Variants in TNRC6A observed in about 807,000 individuals in gnomAD.
TNRC6A encodes the protein trinucleotide repeat-containing gene 6A protein.
In TNRC6A, 44 loss-of-function variants were observed where a neutral mutation model predicts 221.2. That is an observed-to-expected ratio of 0.20 (90% CI 0.16 to 0.26). The LOEUF is 0.26. TNRC6A is among the 10% of genes least tolerant of loss of function. The pLI is 1.00. For missense variants in TNRC6A, 2,199 were observed against 2,404.4 expected, an observed-to-expected ratio of 0.91 and a Z score of 1.79; for synonymous variants, 847 against 838.5, an observed-to-expected ratio of 1.01 and a Z score of -0.18.
chr16:24,757,321 A>G (rs2057274107), intron 3 of TNRC6A, among the ~76,000 whole-genome samples: 1 of 152,218 alleles, frequency 6.6e-6, no homozygotes, highest in Admixed American at 6.5e-5. Flanking sequence ...TTACCCATAT[A>G]TCTATAATAG....
rs193033416 is a variant in TNRC6A at position 24,763,169 on chromosome 16, A to C, written c.163+4809A>C. ...AAATCTCCTGCATGCTTTGATCTCT[A>C]TGCAGTAAACACTGATCCTTCTGTG... is the stretch of plus-strand genomic sequence containing the variant. On this transcript the variant is annotated intron_variant, in intron 4 of 24. Coordinates refer to ENST00000395799, the MANE Select transcript of TNRC6A (RefSeq NM_014494.4). Among the ~76,000 whole-genome samples, 29 of 152,318 alleles carry C rather than the reference A, an allele frequency of 1.9e-4. No individual in the cohort carries two copies. In the East Asian group the frequency reaches 4.0e-3, roughly 21 times the overall value.
chr16:24,756,309 A>G (rs1274385346), intron 3 of TNRC6A, among the ~76,000 whole-genome samples: 2 of 152,226 alleles, frequency 1.3e-5, no homozygotes, highest in Non-Finnish European at 2.9e-5. Context: ...AATTACTCTT[A>G]AAATGACTGA....
At chr16:24,770,698 T>G (rs1567447715) in intron 4 of TNRC6A, among the ~76,000 whole-genome samples, 1 of 152,216 alleles carries the variant, frequency 6.6e-6, no homozygotes, top group Non-Finnish European at 1.5e-5. Context: ...AAACCCATTC[T>G]TAGGTTTTGT....
At chr16:24,630,276 T>C (rs1394864459) in intron 1 of TNRC6A, among the ~76,000 whole-genome samples, 1 of 152,160 alleles carries the variant, frequency 6.6e-6, no homozygotes, top group Non-Finnish European at 1.5e-5. Context: ...GCTCAGGGAC[T>C]CTGCTCCTAA....
Position 24,789,448 on chromosome 16 carries a change from C to A in TNRC6A, c.806C>A (p.Thr269Asn), listed in dbSNP as rs1212519825. 6.2e-7 allele frequency: 1 copy of A among 1,614,224 alleles called. No individual in the cohort carries two copies. Among genetic ancestry groups the A allele is most frequent in the Non-Finnish European group, 8.5e-7 (1 of 1,180,036 alleles). Residue 269 changes from threonine to asparagine, a missense_variant, in exon 6 of 25, where the codon ACT becomes AAT. Around this residue, in one of 8 missense-constraint regions of TNRC6A, gnomAD observed 1,405 missense variants for 1,400.2 expected, o/e 1.00. Transcript: ENST00000395799. The part of the protein sequence containing the change: ...ASSSESERNI[T>N]IMASGNTGGE... ...AGTTCTGAATCAGAGAGAAACATCA[C>A]TATCATGGCTTCAGGGAACACAGGT...
chr16:24,800,684 C>G (rs2058314191), intron 11 of TNRC6A, among the ~76,000 whole-genome samples: 1 of 152,192 alleles, frequency 6.6e-6, no homozygotes, highest in Non-Finnish European at 1.5e-5. Flanking sequence ...GAAATCTGCC[C>G]TCTAGAGTCC....
Position 24,823,724 on chromosome 16 carries a change from G to T in TNRC6A, c.5806G>T (p.Asp1936Tyr). The T allele has an allele frequency of 6.5e-7, 1 of 1,544,780 alleles. No homozygotes were observed. Among genetic ancestry groups the T allele is most frequent in the Non-Finnish European group, 8.7e-7 (1 of 1,147,404 alleles). Reference protein sequence around the residue: ...TSLWGPPSSSDPRGISSPSPI... With the variant: ...TSLWGPPSSSYPRGISSPSPI... The stretch of plus-strand genomic sequence containing the variant: ...CCTGTGGGGTCCCCCAAGCAGCAGC[G>T]ACCCCCGAGGAATTAGCAGCCCATC... Residue 1936 changes from aspartate to tyrosine, a missense_variant, in exon 25 of 25, where the codon GAC becomes TAC. Physicochemically the swap from Asp to Tyr is radical, Grantham distance 160 (BLOSUM62 -3). Transcript: ENST00000395799. This position sits in a 1 kb window ranked among gnomAD's most constrained non-coding sequence, Gnocchi z 4.3.
At chr16:24,651,742 A>G (rs1902678246) in intron 2 of TNRC6A, among the ~76,000 whole-genome samples, 1 of 151,048 alleles carries the variant, frequency 6.6e-6, no homozygotes, top group Non-Finnish European at 1.5e-5. Context: ...AAAAAATAAA[A>G]TAAAATAAAA....
chr16:24,747,860 T>C (rs919123442), intron 2 of TNRC6A, among the ~76,000 whole-genome samples: 64 of 152,124 alleles, frequency 4.2e-4, no homozygotes, highest in African/African-American at 1.5e-3. Context: ...CATCAGAAAG[T>C]CTTGAAAATG....
rs749539505 is a variant in TNRC6A, at chr16:24,791,737, G to T, written c.3095G>T (p.Arg1032Leu). The T allele has an allele frequency of 6.2e-7, 1 of 1,612,158 alleles. No individual in the cohort carries two copies. Among genetic ancestry groups the T allele is most frequent in the African/African-American group, 1.3e-5 (1 of 74,804 alleles). Residue 1032 changes from arginine (R) to leucine (L), a missense_variant, in exon 6 of 25, where the codon CGT (arginine) becomes CTT (leucine). Physicochemically the swap from Arg to Leu is moderately radical, Grantham distance 102 (BLOSUM62 -2). This residue lies in a region of TNRC6A where 1,405 missense variants were observed against 1,400.2 expected (regional missense o/e 1.00). Transcript: ENST00000395799. ...AAAAACGTCCCAAATGGCAACAGCC[G>T]TTCAGACCAGCAAGCACAGGTACAT... ...WNKNVPNGNS[R>L]SDQQAQVHQL... is the part of the protein sequence containing the mutation.
At chr16:24,745,802 C>CG (rs1160385020) in intron 2 of TNRC6A, among the ~76,000 whole-genome samples, 1 of 133,260 alleles carries the variant, frequency 7.5e-6, no homozygotes, top group African/African-American at 2.6e-5. Context: ...CCATCCCCCC[C>CG]CCCCCCAGCT....
Position 24,711,126 on chromosome 16 carries a change from C to T in TNRC6A, n.403-39600C>T, listed in dbSNP as rs972705592. 8.5e-5 allele frequency among the ~76,000 whole-genome samples: 13 copies of T among 152,186 alleles called. No homozygotes were observed. In the East Asian group the frequency reaches 9.7e-4, roughly 11 times the overall value. On this transcript the variant is annotated intron_variant and non_coding_transcript_variant, in intron 2 of 2. Coordinates refer to the TNRC6A transcript ENST00000566108. ...TCCTGACCTCGTGATCCACCTGCCT[C>T]GGCCTCCCAAACTGCTGGGATTACA... is the stretch of plus-strand genomic sequence containing the variant.
rs758204391 is a variant in TNRC6A at position 24,781,364 on chromosome 16, C to T, written c.589+4006C>T. On this transcript the variant is annotated intron_variant, in intron 5 of 24. Coordinates refer to ENST00000395799, the MANE Select transcript of TNRC6A (RefSeq NM_014494.4). ...GTGAGCCACCACACCCGGCAAAATT[C>T]CCATACTCTTTTGAGGCTATTACAG... Among the ~76,000 whole-genome samples the T allele has an allele frequency of 1.9e-4, 29 of 152,050 alleles. 1 individual carries two copies. Among genetic ancestry groups the T allele is most frequent in the Admixed American group, 2.6e-4 (4 of 15,272 alleles).
chr16:24,755,820 T>C (rs1420832511), intron 3 of TNRC6A, among the ~76,000 whole-genome samples: 2 of 152,202 alleles, frequency 1.3e-5, no homozygotes, highest in Non-Finnish European at 2.9e-5. Context: ...AAGAATAATG[T>C]ATTAAAAATG....
At chr16:24,806,436 G>A in intron 16 of TNRC6A, 138 bp from the exon 17 acceptor site, 26 of 1,350,436 alleles carry the variant, frequency 1.9e-5, no homozygotes, top group Non-Finnish European at 2.7e-5. Context: ...GGTTGCCCAT[G>A]AGTTATGTGA....
intron 2 of TNRC6A, among the ~76,000 whole-genome samples, chr16:24,732,447 A>G (rs2056666706): frequency 6.6e-6 from 1 of 152,172 alleles, no homozygotes; most frequent in Admixed American, 6.5e-5. Context: ...CACTTTTCCT[A>G]AGATTTTACA....
At chr16:24,730,976 A>AT (rs2056625846) in intron 2 of TNRC6A, among the ~76,000 whole-genome samples, 1 of 71,468 alleles carries the variant, frequency 1.4e-5, no homozygotes, top group Non-Finnish European at 2.7e-5. Context: ...GTGAAGGGAG[A>AT]ATTTTTTTTT....
intron 2 of TNRC6A, among the ~76,000 whole-genome samples, chr16:24,692,297 G>A (rs1357266139): frequency 1.3e-5 from 2 of 152,220 alleles, no homozygotes; most frequent in East Asian, 1.9e-4. Context: ...GAGGCCGGGA[G>A]TGGTGGCTCA....
intron 1 of TNRC6A, among the ~76,000 whole-genome samples, chr16:24,622,388 G>A (rs923584075): frequency 2.0e-5 from 3 of 152,152 alleles, no homozygotes; most frequent in Non-Finnish European, 2.9e-5. Context: ...ATCACCTGAG[G>A]TCAGGAGTTC....
Sources: allele counts gnomAD v4.1 joint callset (sites outside exome capture counted in the v4.1 genomes callset), GRCh38; gene constraint gnomAD v4.1.1; regional missense constraint gnomAD v4.1.1; non-coding constraint Gnocchi (gnomAD v3.1); transcripts MANE v1.5; gene names NCBI Gene and HGNC (gene_info 2026-07-23, HGNC 2026-07-21).